GPC6: variants seen among roughly 807,000 people sequenced by gnomAD.
GPC6 encodes the protein glypican 6.
GPC6 carries 14 observed loss-of-function variants against 55.2 expected under a neutral mutation model. The ratio of observed to expected loss-of-function variants is 0.25; its 90% CI spans 0.17 to 0.40. The LOEUF is 0.40. GPC6 is among the 10% of genes least tolerant of loss of function. GPC6 has a pLI of 1.00. For missense variants in GPC6, 641 were observed against 708.5 expected, an observed-to-expected ratio of 0.90 and a Z score of 1.08; for synonymous variants, 278 against 259.6, an observed-to-expected ratio of 1.07 and a Z score of -0.68.
intron 1 of GPC6, among the ~76,000 whole-genome samples, chr13:93,541,772 G>A (rs1360280450): frequency 6.7e-6 from 1 of 149,990 alleles, no homozygotes; most frequent in Admixed American, 6.7e-5. Flanking sequence ...TTTCTCTGAC[G>A]GCCAGTGATG....
At chr13:94,207,107 T>G (rs1889927775) in intron 4 of GPC6, among the ~76,000 whole-genome samples, 1 of 152,056 alleles carries the variant, frequency 6.6e-6, no homozygotes, top group African/African-American at 2.4e-5. Context: ...TGTCCATTCT[T>G]CCCCAGAAAA....
At chr13:93,997,423 C>T (rs879488834) in intron 3 of GPC6, among the ~76,000 whole-genome samples, 1 of 152,208 alleles carries the variant, frequency 6.6e-6, no homozygotes, top group African/African-American at 2.4e-5. Flanking sequence ...TTAGTCCCAA[C>T]ATAAAATAAT....
At position 94,150,814 on chromosome 13, in the gene GPC6, G is replaced by GTATATATA. The variant is rs34636081; in HGVS notation, c.877+122930_877+122937dup. Reference sequence around the variant, plus strand: ...TGAAGCAGAAAGAGAGAGATCAGCAGTATATATATATATATATGTTTATTG... The same window carrying GTATATATA: ...TGAAGCAGAAAGAGAGAGATCAGCAGTATATATATATATATATATATATATGTTTATTG... On this transcript the variant is annotated intron_variant, in intron 4 of 8. Transcript: ENST00000377047. Among the ~76,000 whole-genome samples, 185 of 100,646 alleles carry GTATATATA rather than the reference G, an allele frequency of 1.8e-3. 14 individuals are homozygous for GTATATATA. The highest frequency in any genetic ancestry group is 4.8e-3 in the Middle Eastern group (1 of 210). The allele number at this position is 100,646 out of a possible 152,430, so 66.0% of individuals were successfully genotyped here. A position where few individuals can be genotyped will look rare whatever the true frequency, so the allele number is the denominator to read the frequency against.
intron 2 of GPC6, among the ~76,000 whole-genome samples, chr13:93,652,416 T>C (rs1290759126): frequency 2.0e-5 from 3 of 152,170 alleles, no homozygotes; most frequent in Non-Finnish European, 4.4e-5. Flanking sequence ...TAATTATATG[T>C]GCATTAACTG....
At chr13:94,178,287 G>A (rs566267483) in intron 4 of GPC6, among the ~76,000 whole-genome samples, 109 of 152,110 alleles carry the variant, frequency 7.2e-4, no homozygotes, top group African/African-American at 1.4e-3. Context: ...ATGAGCCATC[G>A]CACCCGGCTG....
intron 7 of GPC6, among the ~76,000 whole-genome samples, chr13:94,386,508 T>G (rs1393766559): frequency 6.6e-6 from 1 of 152,160 alleles, no homozygotes; most frequent in Non-Finnish European, 1.5e-5. Context: ...GAGGATCACT[T>G]AAGCCCAGGA....
chr13:93,694,205 C>T (rs1882364114), intron 2 of GPC6, among the ~76,000 whole-genome samples: 1 of 152,028 alleles, frequency 6.6e-6, no homozygotes, highest in African/African-American at 2.4e-5. Flanking sequence ...TGGCTGGATT[C>T]TTTTTACTTA....
intron 1 of GPC6, among the ~76,000 whole-genome samples, chr13:93,314,283 C>G (rs1482372130): frequency 2.6e-5 from 4 of 151,972 alleles, no homozygotes; most frequent in African/African-American, 9.7e-5. Context: ...CAAACCAAGC[C>G]ATTGTAGGTG....
chr13:93,553,635 C>T (rs1449211284), intron 2 of GPC6, among the ~76,000 whole-genome samples: 1 of 133,514 alleles, frequency 7.5e-6, no homozygotes, highest in East Asian at 2.3e-4. Context: ...GCAGAGGTTG[C>T]AGTGAGCTGA....
chr13:93,728,858 G>C (rs564239777), intron 2 of GPC6, among the ~76,000 whole-genome samples: 5 of 152,190 alleles, frequency 3.3e-5, no homozygotes, highest in African/African-American at 1.2e-4. Flanking sequence ...GTGAGCCACT[G>C]CGCCCAGCCT....
intron 2 of GPC6, among the ~76,000 whole-genome samples, chr13:93,622,525 CTCT>C (rs1477761982): frequency 2.6e-5 from 4 of 151,002 alleles, no homozygotes; most frequent in Non-Finnish European, 5.9e-5. Flanking sequence ...CAGACTTTTC[CTCT>C]TCTTAAATCA....
At chr13:93,349,523 C>T (rs1034139687) in intron 1 of GPC6, among the ~76,000 whole-genome samples, 2 of 152,004 alleles carry the variant, frequency 1.3e-5, no homozygotes, top group Non-Finnish European at 2.9e-5. Flanking sequence ...ATTAATTTGC[C>T]AGGCTGACTA....
chr13:93,893,246 A>G (rs1594564379), intron 3 of GPC6, among the ~76,000 whole-genome samples: 1 of 151,860 alleles, frequency 6.6e-6, no homozygotes, highest in Admixed American at 6.6e-5. Flanking sequence ...TTTAGTAGAG[A>G]CAGTGTTTCA....
intron 1 of GPC6, among the ~76,000 whole-genome samples, chr13:93,402,938 C>A (rs1245216434): frequency 1.3e-5 from 2 of 151,920 alleles, no homozygotes; most frequent in Non-Finnish European, 2.9e-5. Context: ...AAAATCATCG[C>A]TTTGAGATAA....
At chr13:94,081,143 A>G (rs1388247850) in intron 4 of GPC6, among the ~76,000 whole-genome samples, 2 of 152,210 alleles carry the variant, frequency 1.3e-5, no homozygotes, top group Non-Finnish European at 2.9e-5. Flanking sequence ...TATTGCTACT[A>G]ATGCTGGCTA....
chr13:93,973,759 T>C (rs1381247731), intron 3 of GPC6, among the ~76,000 whole-genome samples: 2 of 152,196 alleles, frequency 1.3e-5, no homozygotes, highest in Admixed American at 1.3e-4. Flanking sequence ...GATCAACTTT[T>C]AGAGAGATGA....
At chr13:93,997,579 A>ATC (rs1331542079) in intron 3 of GPC6, among the ~76,000 whole-genome samples, 1 of 47,278 alleles carries the variant, frequency 2.1e-5, no homozygotes, top group Non-Finnish European at 4.4e-5. Context: ...AAAAGACATA[A>ATC]TATGTGTGTG....
At chr13:94,238,559 C>G (rs1890950674) in intron 4 of GPC6, among the ~76,000 whole-genome samples, 1 of 152,136 alleles carries the variant, frequency 6.6e-6, no homozygotes, top group African/African-American at 2.4e-5. Context: ...ACAGAATTCA[C>G]CTGGAGGACT....
At chr13:93,606,514 C>A (rs1187136233) in intron 2 of GPC6, among the ~76,000 whole-genome samples, 1 of 151,992 alleles carries the variant, frequency 6.6e-6, no homozygotes, top group Admixed American at 6.6e-5. Flanking sequence ...TATGGTTTGC[C>A]CACATCTAGG....
Sources: gnomAD v4.1 joint callset for allele counts (sites outside exome capture counted in the v4.1 genomes callset) on GRCh38, gnomAD v4.1.1 for gene constraint, MANE v1.5 for transcripts, NCBI Gene and HGNC (gene_info 2026-07-23, HGNC 2026-07-21) for gene names.